The following PIGX variants were observed in gnomAD, a reference collection of about 807,000 sequenced individuals.
PIGX encodes the protein GPI alpha-1,4-mannosyltransferase I, stabilizing subunit.
In PIGX, 24 loss-of-function variants were observed where a neutral mutation model predicts 28.7. The observed-to-expected ratio is 0.84, with a 90% CI of 0.60 to 1.17. PIGX has a LOEUF of 1.17. Ranked by LOEUF, PIGX falls within the 50% of genes most tolerant of loss-of-function variation. The pLI is 0.00. For missense variants in PIGX, 305 were observed against 317.8 expected, an observed-to-expected ratio of 0.96 and a Z score of 0.31; for synonymous variants, 127 against 121.0, an observed-to-expected ratio of 1.05 and a Z score of -0.33.
intron 4 of PIGX, 80 bp downstream of exon 4, chr3:196,728,216 CT>C: frequency 8.9e-7 from 1 of 1,127,050 alleles, no homozygotes; most frequent in South Asian, 1.3e-5. Flanking sequence ...GCTAGGCTGG[CT>C]GGCAAGGCCC....
Position 196,734,211 on chromosome 3 carries a change from A to C in PIGX, c.*309A>C, listed in dbSNP as rs1343437445. On this transcript the variant is annotated 3_prime_UTR_variant, in exon 6 of 6. Coordinates refer to ENST00000392391, the MANE Select transcript of PIGX (RefSeq NM_017861.4). ...GAAAAATTATTTCTTTATGTAGTAG[A>C]GACAAATTATTCTCATTTTGCAAGT... is the stretch of plus-strand genomic sequence containing the variant. 8 of 234,736 alleles carry C rather than the reference A, an allele frequency of 3.4e-5. No homozygotes were observed. The highest frequency in any genetic ancestry group is 2.7e-4 in the Admixed American group (5 of 18,508). 14.5% of individuals were successfully genotyped at this position (234,736 alleles called of 1,614,324 possible). A position where few individuals can be genotyped will look rare whatever the true frequency, so the allele number is the denominator to read the frequency against.
At chr3:196,719,041 C>T (rs1458427448) in intron 2 of PIGX, among the ~76,000 whole-genome samples, 3 of 151,934 alleles carry the variant, frequency 2.0e-5, no homozygotes, top group African/African-American at 2.4e-5. Flanking sequence ...TTACTTTTAT[C>T]GTCTTTATCT....
chr3:196,715,030 C>T (rs563808183), intron 1 of PIGX, among the ~76,000 whole-genome samples: 35 of 152,168 alleles, frequency 2.3e-4, no homozygotes, highest in African/African-American at 7.9e-4. Context: ...GAGCCAAGAT[C>T]GTGCAACTGC....
At chr3:196,716,459 G>A (rs1177055294) in intron 1 of PIGX, among the ~76,000 whole-genome samples, 1 of 152,052 alleles carries the variant, frequency 6.6e-6, no homozygotes, top group African/African-American at 2.4e-5. Context: ...GGTATCTTGG[G>A]ATCACCTGAA....
At chr3:196,728,809 A>T in intron 4 of PIGX, 1 of 764,088 alleles carries the variant, frequency 1.3e-6, no homozygotes, top group East Asian at 2.4e-5. Context: ...GGCATGTACT[A>T]TGTGTTTCTT....
At position 196,732,216 on chromosome 3, in the gene PIGX, TTATATATATATATATATATA is replaced by T. The variant is rs1175656364; in HGVS notation, c.633+1146_633+1165del. ...GCTTTTAACTATATGTATATATTAT[TTATATATATATATATATATA>T]TATATATATATATATATATATTTTA... On this transcript the variant is annotated intron_variant, in intron 5 of 5. Transcript: ENST00000392391. 1.2e-3 allele frequency among the ~76,000 whole-genome samples: 61 copies of T among 51,352 alleles called. 2 individuals carry two copies. Among genetic ancestry groups the T allele is most frequent in the South Asian group, 8.4e-3 (10 of 1,196 alleles). 33.7% of individuals were successfully genotyped at this position (51,352 alleles called of 152,430 possible).
chr3:196,718,643 C>T lies in PIGX; in HGVS notation c.176+1722C>T, dbSNP rs141176763. ...GCTAATAACTTGCTTAGTATTTTTA[C>T]TTGTATGTTCATGAAGGCTACTGGC... On this transcript the variant is annotated intron_variant, in intron 2 of 5. Transcript: ENST00000392391. Among the ~76,000 whole-genome samples, 112 of 152,206 alleles carry T rather than the reference C, an allele frequency of 7.4e-4. 1 individual carries two copies. The highest frequency in any genetic ancestry group is 2.5e-3 in the African/African-American group (104 of 41,532).
chr3:196,722,301 C>G, intron 2 of PIGX, 114 bp from the exon 3 acceptor site: 1 of 729,378 alleles, frequency 1.4e-6, no homozygotes, highest in Non-Finnish European at 2.3e-6. Context: ...TTATAATCTA[C>G]TTTTGGAAAA....
At chr3:196,713,226 C>T (rs1711912783) in intron 1 of PIGX, 1 of 346,030 alleles carries the variant, frequency 2.9e-6, no homozygotes. Flanking sequence ...CGTTTAGTAT[C>T]TGTCAATCAG....
rs191875064 is a variant in PIGX at position 196,718,106 on chromosome 3, C to T, written c.176+1185C>T. Among the ~76,000 whole-genome samples the T allele has an allele frequency of 3.8e-3, 572 of 151,900 alleles. 3 individuals carry two copies. The highest frequency in any genetic ancestry group is 6.8e-3 in the Non-Finnish European group (460 of 67,968). On this transcript the variant is annotated intron_variant, in intron 2 of 5. Coordinates refer to ENST00000392391, the MANE Select transcript of PIGX (RefSeq NM_017861.4). Reference sequence around the variant, plus strand: ...ACCCCGGATCACGAGGTCACGAGTTCGAGACCAGCGTGGCAAACACGGTGA... The same window carrying T: ...ACCCCGGATCACGAGGTCACGAGTTTGAGACCAGCGTGGCAAACACGGTGA...
chr3:196,730,935 C>T, intron 4 of PIGX, 57 bp from the exon 5 acceptor site: 2 of 1,002,194 alleles, frequency 2.0e-6, no homozygotes, highest in Non-Finnish European at 3.1e-6. Context: ...TTAATACAAG[C>T]CTAGCTTTCA....
chr3:196,725,418 T>G (rs1229673462), intron 3 of PIGX, among the ~76,000 whole-genome samples: 2 of 152,180 alleles, frequency 1.3e-5, no homozygotes, highest in Non-Finnish European at 2.9e-5. Context: ...TGAGCCCTAC[T>G]GTCATCCAGC....
Position 196,733,850 on chromosome 3 carries a change from G to A in PIGX, c.725G>A (p.Cys242Tyr). Residue 242 changes from cysteine (C) to tyrosine (Y), a missense_variant, in exon 6 of 6, where the codon TGC (cysteine) becomes TAC (tyrosine). By Grantham distance (194) the Cys-to-Tyr change is radical (BLOSUM62 -2). Transcript: ENST00000392391. The surrounding 1 kb of genome is among the most constrained non-coding windows in gnomAD (Gnocchi z 4.3). ...GTGACTCTGCTCATTACAATCCTGT[G>A]CTCTACATTGATCCTTGTAGCAGTT... 6.2e-7 allele frequency: 1 copy of A among 1,603,698 alleles called. No homozygotes were observed. The highest frequency in any genetic ancestry group is 8.5e-7 in the Non-Finnish European group (1 of 1,170,616).
intron 5 of PIGX, among the ~76,000 whole-genome samples, chr3:196,732,271 A>C (rs1479026640): frequency 4.1e-5 from 1 of 24,524 alleles, no homozygotes; most frequent in African/African-American, 2.0e-4. Context: ...ATTTTATTTT[A>C]TTTTTTTTTT....
At chr3:196,726,270 G>GC (rs1712518191) in intron 3 of PIGX, among the ~76,000 whole-genome samples, 1 of 152,108 alleles carries the variant, frequency 6.6e-6, no homozygotes, top group Admixed American at 6.6e-5. Flanking sequence ...CAGCCAGGGT[G>GC]ACAGAGTGAG....
chr3:196,721,194 A>C (rs1191265618), intron 2 of PIGX: 1 of 387,612 alleles, frequency 2.6e-6, no homozygotes, highest in Admixed American at 3.6e-5. Context: ...AAATATATGT[A>C]TACTAGACTA....
Position 196,727,334 on chromosome 3 carries a change from A to C in PIGX, c.319-589A>C, listed in dbSNP as rs142789254. ...TGTACATTTTCACTTTTGGTGTAGAATACTATACTTTTCTATAAAATAGTT... is the reference window on the plus strand; with the variant it reads ...TGTACATTTTCACTTTTGGTGTAGACTACTATACTTTTCTATAAAATAGTT... On this transcript the variant is annotated intron_variant, in intron 3 of 5. Transcript: ENST00000392391. Among the ~76,000 whole-genome samples the C allele has an allele frequency of 3.8e-3, 575 of 152,334 alleles. 2 individuals carry two copies. Among genetic ancestry groups the C allele is most frequent in the South Asian group, 0.017 (80 of 4,832 alleles).
chr3:196,718,716 TC>T (rs1057375829), intron 2 of PIGX, among the ~76,000 whole-genome samples: 5 of 152,206 alleles, frequency 3.3e-5, no homozygotes, highest in African/African-American at 1.2e-4. Context: ...GTCTGGGTAT[TC>T]TTGGCCTTAT....
chr3:196,722,365 C>A (rs1303963663), intron 2 of PIGX, 50 bp from the exon 3 acceptor site: 4 of 1,375,938 alleles, frequency 2.9e-6, no homozygotes, highest in African/African-American at 1.4e-5. Context: ...TATGTTATCT[C>A]ATTTAACAGT....
Sources: gnomAD v4.1 joint callset for allele counts (sites outside exome capture counted in the v4.1 genomes callset) on GRCh38, gnomAD v4.1.1 for gene constraint, Gnocchi (gnomAD v3.1) non-coding constraint, MANE v1.5 for transcripts, NCBI Gene and HGNC (gene_info 2026-07-23, HGNC 2026-07-21) for gene names.